LAMB2: variants seen among roughly 807,000 people sequenced by gnomAD.
LAMB2 encodes laminin subunit beta 2.
Under a neutral mutation model 202.7 loss-of-function variants are expected in LAMB2, and 119 were observed. The ratio of observed to expected loss-of-function variants is 0.59; its 90% CI spans 0.51 to 0.68. The LOEUF (loss-of-function observed/expected upper bound fraction) is 0.68, where lower values mean the gene tolerates loss of function less well. LAMB2 is among the 30% of genes least tolerant of loss of function. LAMB2 has a pLI of 0.00. For synonymous variants in LAMB2, 818 were observed against 902.2 expected (o/e 0.91, Z 1.67); for missense variants, 2,124 against 2,410.6 (o/e 0.88, Z 2.49).
In LAMB2 at chr3:49,128,515, C is replaced by G; in HGVS notation, c.1961G>C (p.Cys654Ser). Residue 654 changes from cysteine to serine, a missense_variant, in exon 15 of 32, where the codon TGT (cysteine) becomes TCT (serine). This residue lies in a region of LAMB2 where 1,702 missense variants were observed against 1,896.3 expected (regional missense o/e 0.90). Coordinates refer to ENST00000305544, the MANE Select transcript of LAMB2 (RefSeq NM_002292.4). ...RPGPVPAHSL[C>S]GHLVPKDDRI... ...ATCATCCTTGGGCACCAAATGCCCA[C>G]ACAGGCTGTGGGCAGGCACAGGCCC... 6.2e-7 allele frequency: 1 copy of G among 1,614,216 alleles called. No individual in the cohort carries two copies.
chr3:49,123,857 A>T lies in LAMB2; in HGVS notation c.3668T>A (p.Val1223Glu). 6.2e-7 allele frequency: 1 copy of T among 1,613,394 alleles called. No individual in the cohort carries two copies. Among genetic ancestry groups the T allele is most frequent in the Non-Finnish European group, 8.5e-7 (1 of 1,179,910 alleles). Residue 1223 changes from valine (V) to glutamate (E), a missense_variant, in exon 24 of 32, where the codon GTG (valine) becomes GAG (glutamate). Physicochemically the swap from Val to Glu is moderately radical, Grantham distance 121. Coordinates refer to ENST00000305544, the MANE Select transcript of LAMB2 (RefSeq NM_002292.4). ...QRAQELQQTG[V>E]LGAFESSFWH... Reference sequence around the variant, plus strand: ...GAAGCTGCTCTCAAAGGCACCCAGCACACCCGTCTGTTGCAACTCCTGCGC... The same window carrying T: ...GAAGCTGCTCTCAAAGGCACCCAGCTCACCCGTCTGTTGCAACTCCTGCGC...
intron 30 of LAMB2, 26 bp downstream of exon 30, chr3:49,121,658 C>T (rs1320445685): frequency 1.2e-6 from 2 of 1,614,052 alleles, no homozygotes; most frequent in East Asian, 2.2e-5. Flanking sequence ...CCCCTACCTT[C>T]TCCAGCTGGC....
intron 17 of LAMB2, 32 bp from the exon 18 acceptor site, chr3:49,125,922 T>C: frequency 1.2e-6 from 2 of 1,614,078 alleles, no homozygotes; most frequent in Non-Finnish European, 1.7e-6. Context: ...CAAGTCAGGC[T>C]GGGTCCCCAC....
Position 49,125,436 on chromosome 3 carries a change from G to T in LAMB2, c.2537C>A (p.Thr846Asn). 6.2e-7 allele frequency: 1 copy of T among 1,613,530 alleles called. No individual in the cohort carries two copies. Among genetic ancestry groups the T allele is most frequent in the Non-Finnish European group, 8.5e-7 (1 of 1,179,868 alleles). Residue 846 changes from threonine (T) to asparagine (N), a missense_variant, in exon 19 of 32, where the codon ACC becomes AAC. Physicochemically the swap from Thr to Asn is moderately conservative, Grantham distance 65 (BLOSUM62 0). Around this residue, in one of 3 missense-constraint regions of LAMB2, gnomAD observed 1,702 missense variants for 1,896.3 expected, o/e 0.90. Transcript: ENST00000305544. Reference protein sequence around the residue: ...EGALSSLCEKTSGQCLCRTGA... With the variant: ...EGALSSLCEKNSGQCLCRTGA... ...AGTTCGACAGAGACATTGCCCACTGGTCTTTTCACAGAGACTGCTGAGTGC... is the reference window on the plus strand; with the variant it reads ...AGTTCGACAGAGACATTGCCCACTGTTCTTTTCACAGAGACTGCTGAGTGC...
In LAMB2 at chr3:49,129,620, C is replaced by T; in HGVS notation, c.1502G>A (p.Gly501Glu). Residue 501 changes from glycine to glutamate, a missense_variant, in exon 11 of 32, where the codon GGA becomes GAA. Coordinates refer to ENST00000305544, the MANE Select transcript of LAMB2 (RefSeq NM_002292.4). The surrounding 1 kb of genome is among the most constrained non-coding windows in gnomAD (Gnocchi z 6.1). Reference protein sequence around the residue: ...CYCKRLVTGRGCDRCLPGHWG... With the variant: ...CYCKRLVTGRECDRCLPGHWG... The stretch of plus-strand genomic sequence containing the variant: ...CAGTCGCACCAGGCAGCGGTCACAT[C>T]CACGTCCAGTCACTAGACGTTTGCA... 6.2e-7 allele frequency: 1 copy of T among 1,613,260 alleles called. No homozygotes were observed. Among genetic ancestry groups the T allele is most frequent in the Non-Finnish European group, 8.5e-7 (1 of 1,179,168 alleles).
In LAMB2 at chr3:49,121,116, G is replaced by T; in HGVS notation, c.*110C>A. Reference sequence around the variant, plus strand: ...AAATCAGAGTCCAGACAACACAGTGGGGGTTCACACTGGTTTATTGGGGGC... The same window carrying T: ...AAATCAGAGTCCAGACAACACAGTGTGGGTTCACACTGGTTTATTGGGGGC... On this transcript the variant is annotated 3_prime_UTR_variant, in exon 32 of 32. Transcript: ENST00000305544. 1.5e-6 allele frequency: 2 copies of T among 1,315,946 alleles called. No individual in the cohort carries two copies. The highest frequency in any genetic ancestry group is 4.8e-5 in the East Asian group (2 of 41,704). 81.5% of individuals were successfully genotyped at this position (1,315,946 alleles called of 1,614,324 possible).
Position 49,122,382 on chromosome 3 carries a change from C to T in LAMB2, c.4574-12G>A. ...ATCAGCCCCCTCCTCTATAGGGACA[C>T]AGCAAGAACTTAAGAACATAGATTC... On this transcript the variant is annotated splice_polypyrimidine_tract_variant and intron_variant, in intron 27 of 31. Transcript: ENST00000305544. The T allele has an allele frequency of 6.2e-7, 1 of 1,611,510 alleles. No individual in the cohort carries two copies.
rs780501991 is a variant in LAMB2, at chr3:49,123,878, T to TGC, written c.3645_3646dup (p.Gln1216ArgfsTer31). 1 of 1,613,450 alleles carries TGC rather than the reference T, an allele frequency of 6.2e-7. No homozygotes were observed. The highest frequency in any genetic ancestry group is 1.7e-5 in the Admixed American group (1 of 60,030). On this transcript the variant is annotated frameshift_variant, in exon 24 of 32. Coordinates refer to ENST00000305544, the MANE Select transcript of LAMB2 (RefSeq NM_002292.4). LOFTEE classifies it high-confidence loss of function. Reference sequence around the variant, plus strand: ...CAGCACACCCGTCTGTTGCAACTCCTGCGCCCGCTGCTCTAGGCGCTGTGT... The same window carrying TGC: ...CAGCACACCCGTCTGTTGCAACTCCTGCGCGCCCGCTGCTCTAGGCGCTGTGT...
At chr3:49,126,292 C>G in intron 16 of LAMB2, 73 bp downstream of exon 16, 1 of 1,610,818 alleles carries the variant, frequency 6.2e-7, no homozygotes. Flanking sequence ...TGCCACAGAC[C>G]CCTGCTATCC....
At position 49,128,818 on chromosome 3, in the gene LAMB2, A is replaced by G; in HGVS notation, c.1733T>C (p.Val578Ala). 6.2e-7 allele frequency: 1 copy of G among 1,612,132 alleles called. No homozygotes were observed. Among genetic ancestry groups the G allele is most frequent in the Non-Finnish European group, 8.5e-7 (1 of 1,178,622 alleles). ...IWEAEDTRGQ[V>A]LDVVERLVTP... ...CACCAGGCGCTCCACCACATCGAGC[A>G]CCTGGGAGATAATGCAGCCAGGGAT... Residue 578 changes from valine (V) to alanine (A), a missense_variant and splice_region_variant, in exon 14 of 32, where the codon GTG becomes GCG. Transcript: ENST00000305544.
rs139821983 is a variant in LAMB2 at position 49,124,264 on chromosome 3, C to A, written c.3350G>T (p.Arg1117Leu). The A allele has an allele frequency of 3.1e-6, 5 of 1,613,880 alleles. No homozygotes were observed. The highest frequency in any genetic ancestry group is 2.5e-6 in the Non-Finnish European group (3 of 1,179,928). ...CNEFTGQCHC[R>L]AGFGGRTCSE... Reference sequence around the variant, plus strand: ...ACAAGTCCGCCCTCCAAAGCCGGCACGGCAGTGGCACTGCCCTGTGAACTG... The same window carrying A: ...ACAAGTCCGCCCTCCAAAGCCGGCAAGGCAGTGGCACTGCCCTGTGAACTG... The change falls in exon 23 of 32, where the codon CGT (arginine) becomes CTT (leucine). Residue 1117 changes from arginine to leucine, a missense_variant. This residue lies in a region of LAMB2 where 1,702 missense variants were observed against 1,896.3 expected (regional missense o/e 0.90). Transcript: ENST00000305544.
Position 49,131,962 on chromosome 3 carries a change from T to C in LAMB2, c.459+154A>G, listed in dbSNP as rs1370599410. 1.3e-5 allele frequency among the ~76,000 whole-genome samples: 2 copies of C among 152,088 alleles called. No homozygotes were observed. Among genetic ancestry groups the C allele is most frequent in the Admixed American group, 1.3e-4 (2 of 15,276 alleles). On this transcript the variant is annotated intron_variant, in intron 4 of 31. Transcript: ENST00000305544. The surrounding 1 kb of genome is among the most constrained non-coding windows in gnomAD (Gnocchi z 5.0). ...GGGATTGGAAAGGCAGAAGAGCATGTGCAAAGGCCTGGAGGCAAATGGAAG... is the reference window on the plus strand; with the variant it reads ...GGGATTGGAAAGGCAGAAGAGCATGCGCAAAGGCCTGGAGGCAAATGGAAG...
chr3:49,132,759 C>G lies in LAMB2; in HGVS notation c.76+33G>C. 4 of 1,613,876 alleles carry G rather than the reference C, an allele frequency of 2.5e-6. No homozygotes were observed. The highest frequency in any genetic ancestry group is 2.5e-6 in the Non-Finnish European group (3 of 1,179,752). On this transcript the variant is annotated intron_variant, in intron 1 of 31. Transcript: ENST00000305544. The surrounding 1 kb of genome is among the most constrained non-coding windows in gnomAD (Gnocchi z 4.6). ...AACTACCAGGACCTACCATCACATT[C>G]CACAACCCCCAGCCCCCACCAGGCC...
Position 49,130,728 on chromosome 3 carries a change from G to T in LAMB2, c.1036+12C>A, listed in dbSNP as rs1327276840. On this transcript the variant is annotated intron_variant, in intron 8 of 31. Transcript: ENST00000305544. This position sits in a 1 kb window ranked among gnomAD's most constrained non-coding sequence, Gnocchi z 5.0. ...AGAGTGCTGGAGCTATGGAGGCCAAGATCTCACTCACTCCTACAGGCATGA... is the reference window on the plus strand; with the variant it reads ...AGAGTGCTGGAGCTATGGAGGCCAATATCTCACTCACTCCTACAGGCATGA... The T allele has an allele frequency of 6.2e-7, 1 of 1,613,720 alleles. No individual in the cohort carries two copies. The highest frequency in any genetic ancestry group is 2.2e-5 in the East Asian group (1 of 44,884).
rs767276088 is a variant in LAMB2, at chr3:49,130,701, G to A, written c.1036+39C>T. On this transcript the variant is annotated intron_variant, in intron 8 of 31. Transcript: ENST00000305544. The surrounding 1 kb of genome is among the most constrained non-coding windows in gnomAD (Gnocchi z 5.0). The stretch of plus-strand genomic sequence containing the variant: ...GTTCTACCCAGGGCACAGCCAGGCT[G>A]CAGAGTGCTGGAGCTATGGAGGCCA... The A allele has an allele frequency of 3.1e-6, 5 of 1,612,206 alleles. No individual in the cohort carries two copies. The South Asian group carries it at 4.4e-5, about 14-fold the overall frequency.
Position 49,131,514 on chromosome 3 carries a change from A to G in LAMB2, c.648+21T>C. 1 of 1,614,012 alleles carries G rather than the reference A, an allele frequency of 6.2e-7. No individual in the cohort carries two copies. ...CCATCATCCCCAGCTTCCAGCCCCCAGCCCAGATGCCAGCCCTCACCTCGC... is the reference window on the plus strand; with the variant it reads ...CCATCATCCCCAGCTTCCAGCCCCCGGCCCAGATGCCAGCCCTCACCTCGC... On this transcript the variant is annotated intron_variant, in intron 5 of 31. Transcript: ENST00000305544. This position sits in a 1 kb window ranked among gnomAD's most constrained non-coding sequence, Gnocchi z 5.0.
chr3:49,130,827 G>T lies in LAMB2; in HGVS notation c.949C>A (p.Arg317Ser), dbSNP rs139670781. The T allele has an allele frequency of 5.6e-6, 9 of 1,614,086 alleles. No individual in the cohort carries two copies. The African/African-American group carries it at 1.2e-4, about 22-fold the overall frequency. ...HGACICKHNT[R>S]GLNCEQCQDF... is the part of the protein sequence containing the mutation. ...TGACACTGCTCGCAGTTGAGGCCAC[G>T]TGTGTTGTGTTTGCAGATGCAAGCT... Residue 317 changes from arginine to serine, a missense_variant, in exon 8 of 32, where the codon CGT (arginine) becomes AGT (serine). Physicochemically the swap from Arg to Ser is moderately radical, Grantham distance 110 (BLOSUM62 -1). Transcript: ENST00000305544. This position sits in a 1 kb window ranked among gnomAD's most constrained non-coding sequence, Gnocchi z 5.0.
At position 49,130,821 on chromosome 3, in the gene LAMB2, G is replaced by A. The variant is rs763870767; in HGVS notation, c.955C>T (p.Leu319Phe). The A allele has an allele frequency of 1.1e-5, 18 of 1,614,070 alleles. No individual in the cohort carries two copies. Among genetic ancestry groups the A allele is most frequent in the Non-Finnish European group, 1.4e-5 (17 of 1,180,040 alleles). ...ACICKHNTRGLNCEQCQDFYR... is the reference protein window; with the variant it reads ...ACICKHNTRGFNCEQCQDFYR... ...AAATCCTGACACTGCTCGCAGTTGA[G>A]GCCACGTGTGTTGTGTTTGCAGATG... Residue 319 changes from leucine (L) to phenylalanine (F), a missense_variant, in exon 8 of 32, where the codon CTC becomes TTC. Leu to Phe is a conservative substitution (Grantham distance 22). This residue lies in a region of LAMB2 where 256 missense variants were observed against 356.1 expected (regional missense o/e 0.72). Coordinates refer to ENST00000305544, the MANE Select transcript of LAMB2 (RefSeq NM_002292.4). This position sits in a 1 kb window ranked among gnomAD's most constrained non-coding sequence, Gnocchi z 5.0.
rs772456489 is a variant in LAMB2 at position 49,131,151 on chromosome 3, G to A, written c.714C>T (p.Asn238=). ...CCCGTAGGTTGGTGATCTTCAACAG[G>A]TCTGAGGCGGGGGAAGGGGGGCCAA... ...IPDPYSSRIQ[N]LLKITNLRVN... Residue 238 remains asparagine (N), a splice_region_variant and synonymous_variant, in exon 7 of 32, where the codon AAC becomes AAT. Coordinates refer to ENST00000305544, the MANE Select transcript of LAMB2 (RefSeq NM_002292.4). This position sits in a 1 kb window ranked among gnomAD's most constrained non-coding sequence, Gnocchi z 5.0. 6.8e-6 allele frequency: 11 copies of A among 1,613,304 alleles called. No homozygotes were observed. Among genetic ancestry groups the A allele is most frequent in the Admixed American group, 1.7e-5 (1 of 60,010 alleles).
Sources: allele counts gnomAD v4.1 joint callset (sites outside exome capture counted in the v4.1 genomes callset), GRCh38; gene constraint gnomAD v4.1.1; regional missense constraint gnomAD v4.1.1; non-coding constraint Gnocchi (gnomAD v3.1); transcripts MANE v1.5; gene names NCBI Gene and HGNC (gene_info 2026-07-23, HGNC 2026-07-21).